Variants in TOP1MT observed in about 807,000 individuals in gnomAD.
TOP1MT encodes DNA topoisomerase I, mitochondrial.
In TOP1MT, 80 loss-of-function variants were observed where a neutral mutation model predicts 73.9. The ratio of observed to expected loss-of-function variants is 1.08; its 90% CI spans 0.90 to 1.30. TOP1MT has a LOEUF of 1.30. Ranked by LOEUF, TOP1MT falls within the 50% of genes most tolerant of loss-of-function variation. TOP1MT has a pLI of 0.00. For synonymous variants in TOP1MT, 338 were observed against 326.4 expected, an observed-to-expected ratio of 1.04 and a Z score of -0.38; for missense variants, 815 against 808.0, an observed-to-expected ratio of 1.01 and a Z score of -0.10.
intron 13 of TOP1MT, 89 bp from the exon 14 acceptor site, chr8:143,309,632 C>G: frequency 1.3e-6 from 2 of 1,578,248 alleles, no homozygotes; most frequent in Non-Finnish European, 1.7e-6. Context: ...GAGCGTCCTC[C>G]ATGCAGCAGA....
At chr8:143,323,102 CGCACGCCACACAT>C (rs1364613739) in intron 7 of TOP1MT, among the ~76,000 whole-genome samples, 5 of 139,360 alleles carry the variant, frequency 3.6e-5, no homozygotes, top group Non-Finnish European at 6.1e-5. Context: ...ATGCCAAACA[CGCACGCCACACAT>C]GCACGCCACA....
chr8:143,322,116 G>A (rs1282484388), intron 7 of TOP1MT, among the ~76,000 whole-genome samples: 6 of 88,526 alleles, frequency 6.8e-5, no homozygotes, highest in African/African-American at 1.7e-4. Context: ...ACACATGCAC[G>A]CCACACACAC....
At position 143,325,387 on chromosome 8, in the gene TOP1MT, C is replaced by T. The variant is rs1251729002; in HGVS notation, c.630G>A (p.Lys210=). Reference sequence around the variant, plus strand: ...CCACATCCTCTGGCGTGATCCTTCTCTTCAGCATCCCCATCTTGGGATGGT... The same window carrying T: ...CCACATCCTCTGGCGTGATCCTTCTTTTCAGCATCCCCATCTTGGGATGGT... The part of the protein sequence containing the change: ...RGDHPKMGML[K]RRITPEDVVI... The change falls in exon 5 of 14, where the codon AAG becomes AAA. Residue 210 remains lysine, a synonymous_variant. Coordinates refer to ENST00000329245, the MANE Select transcript of TOP1MT (RefSeq NM_052963.3). 1.2e-6 allele frequency: 2 copies of T among 1,610,254 alleles called. No individual in the cohort carries two copies. Among genetic ancestry groups the T allele is most frequent in the Admixed American group, 1.7e-5 (1 of 59,978 alleles).
chr8:143,359,727 G>C (rs559874864), upstream of TOP1MT: 1 of 152,984 alleles, frequency 6.5e-6, no homozygotes, highest in East Asian at 1.9e-4. Context: ...CGCGGAGGGG[G>C]AGGTACACGG....
chr8:143,353,369 C>A (rs1014411415), intron 1 of TOP1MT, among the ~76,000 whole-genome samples: 1 of 150,308 alleles, frequency 6.7e-6, no homozygotes, highest in East Asian at 2.0e-4. Context: ...TGAGCTATGA[C>A]GGTGTCACTG....
At chr8:143,329,946 G>GA (rs1314187221) in intron 2 of TOP1MT, among the ~76,000 whole-genome samples, 5 of 152,188 alleles carry the variant, frequency 3.3e-5, no homozygotes, top group Non-Finnish European at 5.9e-5. Context: ...TAGAGATGGG[G>GA]GGTGAGCTGG....
At position 143,324,644 on chromosome 8, in the gene TOP1MT, C is replaced by T. The variant is rs200461392; in HGVS notation, c.672-15G>A. On this transcript the variant is annotated splice_polypyrimidine_tract_variant and intron_variant, in intron 5 of 13. Transcript: ENST00000329245. ...TCTTCGAGTCCCTGCAGCAGAACAA[C>T]GACCCAAACATAACTTGGAGACCTT... The T allele has an allele frequency of 3.8e-4, 612 of 1,610,882 alleles. No homozygotes were observed. Among genetic ancestry groups the T allele is most frequent in the Non-Finnish European group, 4.6e-4 (545 of 1,178,612 alleles).
At position 143,329,482 on chromosome 8, in the gene TOP1MT, C is replaced by T. The variant is rs200113400; in HGVS notation, c.239-11G>A. Reference sequence around the variant, plus strand: ...ATCTCACAGGCCTTCCTGCAGGCATCGGAAGACACATCGTATGAGAGAGCG... The same window carrying T: ...ATCTCACAGGCCTTCCTGCAGGCATTGGAAGACACATCGTATGAGAGAGCG... On this transcript the variant is annotated splice_polypyrimidine_tract_variant and intron_variant, in intron 2 of 13. Transcript: ENST00000329245. The T allele has an allele frequency of 1.4e-4, 221 of 1,606,104 alleles. 1 individual carries two copies. The highest frequency in any genetic ancestry group is 9.0e-4 in the South Asian group (81 of 89,982).
intron 1 of TOP1MT, chr8:143,331,750 CT>C (rs1339569013): frequency 6.3e-6 from 1 of 159,798 alleles, no homozygotes; most frequent in African/African-American, 2.4e-5. Context: ...GACCTGGCTG[CT>C]TATGAGAGAG....
At chr8:143,333,600 G>A (rs1046363754) in intron 1 of TOP1MT, among the ~76,000 whole-genome samples, 1 of 152,260 alleles carries the variant, frequency 6.6e-6, no homozygotes, top group African/African-American at 2.4e-5. Flanking sequence ...GCCAGGCAGG[G>A]CTGCACCACT....
intron 7 of TOP1MT, among the ~76,000 whole-genome samples, chr8:143,321,720 A>C (rs1357829487): frequency 1.6e-5 from 2 of 123,824 alleles, no homozygotes; most frequent in Non-Finnish European, 3.2e-5. Flanking sequence ...CCACACACGC[A>C]CGCCACACAC....
chr8:143,355,125 G>A (rs561776141), intron 1 of TOP1MT, among the ~76,000 whole-genome samples: 9 of 152,286 alleles, frequency 5.9e-5, no homozygotes, highest in Admixed American at 3.3e-4. Context: ...GTGCGGAAGC[G>A]GCACATGGCA....
chr8:143,335,847 T>C (rs1210565373), upstream of TOP1MT, among the ~76,000 whole-genome samples: 1 of 152,240 alleles, frequency 6.6e-6, no homozygotes, highest in African/African-American at 2.4e-5. Context: ...TCAGTGTCCA[T>C]GTCATCTAGC....
intron 2 of TOP1MT, chr8:143,343,153 A>G: frequency 2.2e-6 from 1 of 456,166 alleles, no homozygotes; most frequent in Non-Finnish European, 4.4e-6. Context: ...TTCATCAGGC[A>G]TGAGTGCCTG....
rs964894491 is a variant in TOP1MT at position 143,331,101 on chromosome 8, G to A, written c.238+123C>T. The stretch of plus-strand genomic sequence containing the variant: ...CCCACGCATCACCTGCAAGAAGAGG[G>A]CACAGAGCGCTCATAGCCAGAAGCC... On this transcript the variant is annotated intron_variant, in intron 2 of 13. Transcript: ENST00000329245. The A allele has an allele frequency of 8.4e-5, 60 of 717,702 alleles. No homozygotes were observed. The African/African-American group carries it at 9.4e-4, about 11-fold the overall frequency. 44.5% of individuals were successfully genotyped at this position (717,702 alleles called of 1,614,324 possible).
At chr8:143,310,983 G>A (rs1815998032) in intron 12 of TOP1MT, among the ~76,000 whole-genome samples, 1 of 150,062 alleles carries the variant, frequency 6.7e-6, no homozygotes, top group African/African-American at 2.4e-5. Flanking sequence ...TTTTGAGACG[G>A]AGTCTTGCTT....
Position 143,315,979 on chromosome 8 carries a change from GC to G in TOP1MT, c.1458+19del. The G allele has an allele frequency of 6.2e-7, 1 of 1,614,044 alleles. No individual in the cohort carries two copies. Among genetic ancestry groups the G allele is most frequent in the Non-Finnish European group, 8.5e-7 (1 of 1,179,948 alleles). On this transcript the variant is annotated intron_variant, in intron 11 of 13. Coordinates refer to ENST00000329245, the MANE Select transcript of TOP1MT (RefSeq NM_052963.3). Reference sequence around the variant, plus strand: ...GGGTCCCTTGAGGGCTGGGCTGGGGGCTCTCCTGGGAGCTGCTACCTTCGTC... The same window carrying G: ...GGGTCCCTTGAGGGCTGGGCTGGGGGTCTCCTGGGAGCTGCTACCTTCGTC...
chr8:143,346,635 G>T (rs1817225793), upstream of TOP1MT, among the ~76,000 whole-genome samples: 1 of 152,118 alleles, frequency 6.6e-6, no homozygotes, highest in Non-Finnish European at 1.5e-5. Flanking sequence ...AAAAAGAGAA[G>T]GAAGGGGGAT....
At chr8:143,343,199 T>C (rs1817162616) in intron 2 of TOP1MT, 1 of 456,218 alleles carries the variant, frequency 2.2e-6, no homozygotes, top group South Asian at 1.5e-5. Context: ...CACACATTCA[T>C]TTCCTATTTA....
Sources: allele counts gnomAD v4.1 joint callset (sites outside exome capture counted in the v4.1 genomes callset), GRCh38; gene constraint gnomAD v4.1.1; transcripts MANE v1.5; gene names NCBI Gene and HGNC (gene_info 2026-07-23, HGNC 2026-07-21).